The following RAD51B variants were observed in gnomAD, a reference collection of about 807,000 sequenced individuals.
RAD51B encodes the protein RAD51 paralog B, also known as DNA repair protein RAD51 homolog 2.
RAD51B carries 38 observed loss-of-function variants against 42.2 expected under a neutral mutation model. The ratio of observed to expected loss-of-function variants is 0.90; its 90% CI spans 0.70 to 1.18. The LOEUF (loss-of-function observed/expected upper bound fraction) is 1.18. Among genes scored for constraint, RAD51B ranks in the 50% most tolerant of loss-of-function variants. RAD51B has a pLI of 0.00. For missense variants in RAD51B, 373 were observed against 400.7 expected, an observed-to-expected ratio of 0.93 and a Z score of 0.59; for synonymous variants, 154 against 145.2, an observed-to-expected ratio of 1.06 and a Z score of -0.43.
intron 7 of RAD51B, among the ~76,000 whole-genome samples, chr14:68,087,869 AT>A (rs2077011696): frequency 1.2e-5 from 1 of 80,990 alleles, no homozygotes; most frequent in African/African-American, 7.0e-5. Flanking sequence ...ATTATATAAT[AT>A]ATTATTTATA....
At chr14:67,839,593 T>G (rs2041358260) in intron 4 of RAD51B, among the ~76,000 whole-genome samples, 1 of 152,104 alleles carries the variant, frequency 6.6e-6, no homozygotes, top group African/African-American at 2.4e-5. Context: ...TGTCAGAAGT[T>G]TGAGTATGTA....
intron 10 of RAD51B, among the ~76,000 whole-genome samples, chr14:68,576,748 G>A (rs534787104): frequency 3.9e-5 from 6 of 152,146 alleles, no homozygotes; most frequent in African/African-American, 7.2e-5. Context: ...TTGGACTCAC[G>A]CAGGGGCATG....
intron 7 of RAD51B, among the ~76,000 whole-genome samples, chr14:68,133,175 A>G (rs1302512168): frequency 1.4e-4 from 22 of 152,196 alleles, no homozygotes; most frequent in Non-Finnish European, 5.9e-5. Context: ...AACTGGAAGA[A>G]CTTGAAGTTC....
intron 8 of RAD51B, among the ~76,000 whole-genome samples, chr14:68,382,338 G>A (rs1029682676): frequency 6.6e-6 from 1 of 152,304 alleles, no homozygotes; most frequent in East Asian, 1.9e-4. Context: ...AAGGGAGAGA[G>A]AGGAAGAATT....
intron 8 of RAD51B, among the ~76,000 whole-genome samples, chr14:68,388,567 T>A (rs1279573285): frequency 6.6e-6 from 1 of 152,210 alleles, no homozygotes; most frequent in Non-Finnish European, 1.5e-5. Context: ...TCTCCTTTAC[T>A]GTCCCTCATA....
chr14:68,578,454 C>T (rs1890063588), intron 10 of RAD51B, among the ~76,000 whole-genome samples: 1 of 152,140 alleles, frequency 6.6e-6, no homozygotes, highest in African/African-American at 2.4e-5. Context: ...GTAATTTCCC[C>T]GCCATGGATG....
intron 4 of RAD51B, among the ~76,000 whole-genome samples, chr14:67,841,710 T>A (rs1031848215): frequency 1.3e-5 from 2 of 152,208 alleles, no homozygotes; most frequent in African/African-American, 2.4e-5. Flanking sequence ...GTTGACTTTG[T>A]CAAAGATCAG....
intron 7 of RAD51B, among the ~76,000 whole-genome samples, chr14:68,062,480 T>C (rs10134664): frequency 0.06 from 9,188 of 152,124 alleles, 654 homozygotes; most frequent in African/African-American, 0.17. Flanking sequence ...TGTTAGTTCA[T>C]TGTTAAAAGT....
intron 11 of RAD51B, among the ~76,000 whole-genome samples, chr14:68,677,992 G>A (rs998764326): frequency 2.6e-5 from 4 of 152,006 alleles, no homozygotes; most frequent in South Asian, 2.1e-4. Context: ...TCCCTTTCCC[G>A]TGCCAGGCTC....
chr14:68,668,467 GC>G (rs1363601513), intron 11 of RAD51B, among the ~76,000 whole-genome samples: 2 of 152,210 alleles, frequency 1.3e-5, no homozygotes, highest in Non-Finnish European at 2.9e-5. Context: ...CTAGATCCTG[GC>G]CAAACGGATG....
At chr14:68,498,553 C>T (rs1884705495) in intron 10 of RAD51B, among the ~76,000 whole-genome samples, 2 of 152,102 alleles carry the variant, frequency 1.3e-5, no homozygotes, top group South Asian at 2.1e-4. Flanking sequence ...CAGATTTGTG[C>T]AGACTGAACT....
At chr14:68,632,222 C>G (rs2140123540) in intron 10 of RAD51B, among the ~76,000 whole-genome samples, 1 of 152,292 alleles carries the variant, frequency 6.6e-6, no homozygotes, top group African/African-American at 2.4e-5. Context: ...TCTGGAGCTT[C>G]ACATCCTCCG....
At chr14:68,205,966 A>G (rs1357183861) in intron 7 of RAD51B, among the ~76,000 whole-genome samples, 1 of 152,178 alleles carries the variant, frequency 6.6e-6, no homozygotes, top group African/African-American at 2.4e-5. Flanking sequence ...TGGCTCAAAG[A>G]TACAATAGTG....
chr14:68,390,922 G>T (rs1363954211), intron 8 of RAD51B, among the ~76,000 whole-genome samples: 1 of 152,190 alleles, frequency 6.6e-6, no homozygotes, highest in Non-Finnish European at 1.5e-5. Context: ...ATCTAAAGAC[G>T]TACTTGTCTC....
At chr14:68,302,911 G>T (rs1294183389) in intron 8 of RAD51B, among the ~76,000 whole-genome samples, 1 of 152,220 alleles carries the variant, frequency 6.6e-6, no homozygotes, top group African/African-American at 2.4e-5. Context: ...CAACCTTCCA[G>T]CGTGGGCATT....
intron 8 of RAD51B, among the ~76,000 whole-genome samples, chr14:68,399,098 T>C (rs749343418): frequency 5.9e-5 from 9 of 152,154 alleles, no homozygotes; most frequent in Admixed American, 2.0e-4. Context: ...TCCAATCCCA[T>C]GTCTTGATTT....
At chr14:67,938,763 C>T (rs1044070181) in intron 7 of RAD51B, among the ~76,000 whole-genome samples, 15 of 152,210 alleles carry the variant, frequency 9.9e-5, no homozygotes, top group African/African-American at 3.6e-4. Context: ...TGACAGTGTG[C>T]TTGCCCAGAC....
intron 5 of RAD51B, among the ~76,000 whole-genome samples, chr14:67,876,218 G>A (rs192617389): frequency 1.4e-4 from 21 of 152,210 alleles, no homozygotes; most frequent in South Asian, 2.1e-4. Flanking sequence ...GATATAGTAC[G>A]TATGTACAAG....
At chr14:67,994,421 A>G (rs938485183) in intron 7 of RAD51B, among the ~76,000 whole-genome samples, 30 of 152,242 alleles carry the variant, frequency 2.0e-4, no homozygotes, top group African/African-American at 7.0e-4. Flanking sequence ...GTCAAGTTTT[A>G]TCTTTAACTT....
Sources: allele counts gnomAD v4.1 joint callset (sites outside exome capture counted in the v4.1 genomes callset), GRCh38; gene constraint gnomAD v4.1.1; transcripts MANE v1.5; gene names NCBI Gene and HGNC (gene_info 2026-07-23, HGNC 2026-07-21).